The following FGF2 variants were observed in gnomAD, a reference collection of about 807,000 sequenced individuals.
FGF2 encodes basic fibroblast growth factor bFGF.
FGF2 carries 13 observed loss-of-function variants against 15.9 expected under a neutral mutation model. The observed-to-expected ratio is 0.82, with a 90% CI of 0.53 to 1.30. The LOEUF (loss-of-function observed/expected upper bound fraction) is 1.30, where lower values mean the gene tolerates loss of function less well. FGF2 is among the 50% of genes most tolerant of loss of function. The pLI is 0.00. For synonymous variants in FGF2, 90 were observed against 78.4 expected (o/e 1.15, Z -0.78); for missense variants, 163 against 196.9 (o/e 0.83, Z 1.03).
At chr4:122,854,414 TA>T (rs1560744924) in intron 1 of FGF2, among the ~76,000 whole-genome samples, 1 of 152,218 alleles carries the variant, frequency 6.6e-6, no homozygotes, top group Non-Finnish European at 1.5e-5. Context: ...CACAGGCTTT[TA>T]ACAACAATTT....
At chr4:122,858,592 T>A (rs1212687136) in intron 1 of FGF2, among the ~76,000 whole-genome samples, 1 of 152,070 alleles carries the variant, frequency 6.6e-6, no homozygotes, top group Non-Finnish European at 1.5e-5. Context: ...GAGATGGGGT[T>A]TCATCGTGTT....
chr4:122,853,604 C>T (rs933116974), intron 1 of FGF2, among the ~76,000 whole-genome samples: 2 of 152,156 alleles, frequency 1.3e-5, no homozygotes, highest in African/African-American at 4.8e-5. Context: ...ATCCCCTTCA[C>T]GGAATTCCCC....
chr4:122,877,891 A>G lies in FGF2; in HGVS notation c.282+1467A>G, dbSNP rs45490198. ...CAATTTCAGACTGACTGTATGACAAAGATATACTTACATTGATATTACCAG... is the reference window on the plus strand; with the variant it reads ...CAATTTCAGACTGACTGTATGACAAGGATATACTTACATTGATATTACCAG... On this transcript the variant is annotated intron_variant, in intron 2 of 2. Transcript: ENST00000644866. 4.2e-4 allele frequency among the ~76,000 whole-genome samples: 64 copies of G among 152,358 alleles called. 1 individual carries two copies. The Middle Eastern group carries it at 0.01, about 24-fold the overall frequency.
chr4:122,879,427 C>T (rs2150785577), intron 2 of FGF2, among the ~76,000 whole-genome samples: 1 of 152,292 alleles, frequency 6.6e-6, no homozygotes, highest in East Asian at 1.9e-4. Context: ...AGGAGTTGCA[C>T]ACAACATTTG....
rs1161651562 is a variant in FGF2, at chr4:122,842,631, C to T, written c.178+15279C>T. Among the ~76,000 whole-genome samples, 4 of 152,104 alleles carry T rather than the reference C, an allele frequency of 2.6e-5. No individual in the cohort carries two copies. The East Asian group carries it at 5.8e-4, about 22-fold the overall frequency. On this transcript the variant is annotated intron_variant, in intron 1 of 2. Transcript: ENST00000644866. Reference sequence around the variant, plus strand: ...GTTGTTGATCTCATTACATAGTGTCCACTCTGAGGTTCCTTAGGAGAAACT... The same window carrying T: ...GTTGTTGATCTCATTACATAGTGTCTACTCTGAGGTTCCTTAGGAGAAACT...
chr4:122,893,120 T>A lies in FGF2; in HGVS notation c.*724T>A. ...GCGGCAGATGATATACATATCTGAC[T>A]TCCCAAAAGCTCCAGGATTTGTGTG... On this transcript the variant is annotated 3_prime_UTR_variant, in exon 3 of 3. Coordinates refer to ENST00000644866, the MANE Select transcript of FGF2 (RefSeq NM_001361665.2). The A allele has an allele frequency of 6.2e-7, 1 of 1,614,190 alleles. No homozygotes were observed. The highest frequency in any genetic ancestry group is 8.5e-7 in the Non-Finnish European group (1 of 1,180,022).
chr4:122,826,860 T>G lies in FGF2; in HGVS notation c.-315T>G. 3 of 1,511,434 alleles carry G rather than the reference T, an allele frequency of 2.0e-6. No homozygotes were observed. Among genetic ancestry groups the G allele is most frequent in the Non-Finnish European group, 2.7e-6 (3 of 1,129,662 alleles). 93.6% of individuals were successfully genotyped at this position (1,511,434 alleles called of 1,614,324 possible). A position where few individuals can be genotyped will look rare whatever the true frequency, so the allele number is the denominator to read the frequency against. ...GATTAGCGGACGCGGTGCCCGCGGTTGCAACGGGATCCCGGGCGCTGCAGC... is the reference window on the plus strand; with the variant it reads ...GATTAGCGGACGCGGTGCCCGCGGTGGCAACGGGATCCCGGGCGCTGCAGC... On this transcript the variant is annotated 5_prime_UTR_variant, in exon 1 of 3. Transcript: ENST00000644866.
At chr4:122,876,768 G>A (rs6534366) in intron 2 of FGF2, among the ~76,000 whole-genome samples, 17,963 of 152,184 alleles carry the variant, frequency 0.12, 1,147 homozygotes, top group Middle Eastern at 0.21. Context: ...GGGAATAAAT[G>A]TATACAATTT....
chr4:122,886,493 G>A (rs1727062124), intron 2 of FGF2, among the ~76,000 whole-genome samples: 1 of 151,992 alleles, frequency 6.6e-6, no homozygotes, highest in South Asian at 2.1e-4. Flanking sequence ...CTCCTTGAGG[G>A]GTAGTATCTA....
rs1479428312 is a variant in FGF2, at chr4:122,896,497, G to A, written c.*4101G>A. On this transcript the variant is annotated 3_prime_UTR_variant, in exon 3 of 3. Transcript: ENST00000644866. ...ATTAGCTCACATGCTCTGCTCTCAC[G>A]TGGCACCAGTGGATAGTGTGAGAGA... is the stretch of plus-strand genomic sequence containing the variant. 1 of 152,114 alleles carries A rather than the reference G, an allele frequency of 6.6e-6. No individual in the cohort carries two copies. The highest frequency in any genetic ancestry group is 2.4e-5 in the African/African-American group (1 of 41,412). The allele number at this position is 152,114 out of a possible 1,614,324, so 9.4% of individuals were successfully genotyped here.
At chr4:122,855,245 A>G (rs77968069) in intron 1 of FGF2, among the ~76,000 whole-genome samples, 4,855 of 152,254 alleles carry the variant, frequency 0.032, 131 homozygotes, top group African/African-American at 0.065. Context: ...GAAAAGGAAG[A>G]ATTTGCCAAG....
intron 2 of FGF2, among the ~76,000 whole-genome samples, chr4:122,891,108 T>TCGG (rs1175562885): frequency 6.7e-6 from 1 of 149,722 alleles, no homozygotes; most frequent in Non-Finnish European, 1.5e-5. Flanking sequence ...TGGCGCGATC[T>TCGG]CGGCTCACTG....
Position 122,892,188 on chromosome 4 carries a change from G to C in FGF2, c.283-23G>C, listed in dbSNP as rs1388400797. 2.6e-6 allele frequency: 4 copies of C among 1,550,998 alleles called. No individual in the cohort carries two copies. The Admixed American group carries it at 6.7e-5, about 26-fold the overall frequency. ...ATAATAATAATGATAATAATAACAG[G>C]TAATTCTTCCTTTATTTTTCAGAAA... On this transcript the variant is annotated intron_variant, in intron 2 of 2. Coordinates refer to ENST00000644866, the MANE Select transcript of FGF2 (RefSeq NM_001361665.2).
chr4:122,861,879 CT>C (rs1282606746), intron 1 of FGF2, among the ~76,000 whole-genome samples: 5 of 152,134 alleles, frequency 3.3e-5, no homozygotes, highest in Non-Finnish European at 5.9e-5. Flanking sequence ...TGTTCCCGTT[CT>C]TTCTTTTCCT....
intron 1 of FGF2, among the ~76,000 whole-genome samples, chr4:122,843,088 T>G (rs1201331813): frequency 2.6e-5 from 4 of 152,214 alleles, no homozygotes; most frequent in African/African-American, 9.6e-5. Flanking sequence ...GAAAGAGATA[T>G]AAATCAATAA....
intron 1 of FGF2, among the ~76,000 whole-genome samples, chr4:122,874,415 A>G (rs1726798167): frequency 6.6e-6 from 1 of 152,236 alleles, no homozygotes; most frequent in Non-Finnish European, 1.5e-5. Context: ...CTGTAGGCTT[A>G]AATGATGCAA....
chr4:122,834,889 G>T (rs530952170), intron 1 of FGF2, among the ~76,000 whole-genome samples: 1 of 152,162 alleles, frequency 6.6e-6, no homozygotes, highest in Non-Finnish European at 1.5e-5. Flanking sequence ...ATTGCCACTA[G>T]TGCACCAATA....
intron 1 of FGF2, among the ~76,000 whole-genome samples, chr4:122,864,384 A>G (rs1056237155): frequency 6.6e-6 from 1 of 152,186 alleles, no homozygotes; most frequent in African/African-American, 2.4e-5. Flanking sequence ...ACAGAAATGG[A>G]TAAGGTATAG....
chr4:122,844,646 T>C (rs1490310959), intron 1 of FGF2, among the ~76,000 whole-genome samples: 3 of 144,482 alleles, frequency 2.1e-5, no homozygotes, highest in African/African-American at 8.2e-5. Flanking sequence ...TTTCTTTCTT[T>C]CTTTTTTTTT....
Sources: allele counts gnomAD v4.1 joint callset (sites outside exome capture counted in the v4.1 genomes callset), GRCh38; gene constraint gnomAD v4.1.1; transcripts MANE v1.5; gene names NCBI Gene and HGNC (gene_info 2026-07-23, HGNC 2026-07-21).